The following IQCH variants were observed in gnomAD, a reference collection of about 807,000 sequenced individuals.
IQCH encodes IQ domain-containing protein H.
A neutral mutation model predicts 117.0 loss-of-function variants in IQCH; 98 were observed. The observed-to-expected ratio is 0.84, with a 90% CI of 0.71 to 0.99. IQCH has a LOEUF of 0.99. Among genes scored for constraint, IQCH ranks in the 50% least tolerant of loss-of-function variants. IQCH has a pLI of 0.00. For synonymous variants in IQCH, 412 were observed against 448.2 expected (o/e 0.92, Z 1.02); for missense variants, 1,102 against 1,243.8 (o/e 0.89, Z 1.72).
chr15:67,448,502 G>A (rs2082442600), intron 16 of IQCH, among the ~76,000 whole-genome samples: 1 of 151,236 alleles, frequency 6.6e-6, no homozygotes, highest in Admixed American at 6.6e-5. Flanking sequence ...GCGATAGTTT[G>A]ATGAGAATGA....
chr15:67,371,376 A>G (rs1348569749), intron 8 of IQCH: 1 of 791,900 alleles, frequency 1.3e-6, no homozygotes, highest in Non-Finnish European at 1.8e-6. Flanking sequence ...TAAAATGTCA[A>G]TACAGGTGGG....
At chr15:67,354,787 A>G (rs1199970877) in intron 6 of IQCH, among the ~76,000 whole-genome samples, 1 of 152,234 alleles carries the variant, frequency 6.6e-6, no homozygotes, top group Non-Finnish European at 1.5e-5. Context: ...GGCATTGATC[A>G]GCAGGTTGTC....
intron 4 of IQCH, among the ~76,000 whole-genome samples, chr15:67,322,696 A>C (rs900010058): frequency 1.3e-5 from 2 of 152,148 alleles, no homozygotes; most frequent in African/African-American, 2.4e-5. Flanking sequence ...GTCCAAGAAG[A>C]ATGAGATCAT....
At position 67,289,565 on chromosome 15, in the gene IQCH, G is replaced by C. The variant is rs1385607896; in HGVS notation, c.387+10053G>C. On this transcript the variant is annotated intron_variant, in intron 4 of 20. Transcript: ENST00000335894. Reference sequence around the variant, plus strand: ...TAGGAGAAGGAGCAGATATGTTGAGGTGATGATTGGAGTAGGCAAATAAGA... The same window carrying C: ...TAGGAGAAGGAGCAGATATGTTGAGCTGATGATTGGAGTAGGCAAATAAGA... 2.6e-5 allele frequency among the ~76,000 whole-genome samples: 4 copies of C among 152,100 alleles called. No individual in the cohort carries two copies. The East Asian group carries it at 7.7e-4, about 29-fold the overall frequency.
intron 20 of IQCH, among the ~76,000 whole-genome samples, chr15:67,499,198 C>T (rs2083909497): frequency 7.0e-6 from 1 of 143,788 alleles, no homozygotes; most frequent in Admixed American, 7.4e-5. Flanking sequence ...GCTCAGGAGG[C>T]TGAGTGGGGA....
intron 13 of IQCH, 151 bp from the exon 14 acceptor site, chr15:67,399,963 C>T (rs779984019): frequency 1.1e-5 from 6 of 569,462 alleles, no homozygotes; most frequent in Non-Finnish European, 1.8e-5. Context: ...CTTTAAACTT[C>T]TTTAATCTGT....
chr15:67,299,828 C>T (rs1392226135), intron 4 of IQCH, among the ~76,000 whole-genome samples: 1 of 152,054 alleles, frequency 6.6e-6, no homozygotes, highest in African/African-American at 2.4e-5. Flanking sequence ...TACCCAGTGC[C>T]TGTGTACTTT....
intron 18 of IQCH, among the ~76,000 whole-genome samples, chr15:67,489,343 G>A (rs990799812): frequency 7.0e-6 from 1 of 142,746 alleles, no homozygotes; most frequent in Non-Finnish European, 1.5e-5. Context: ...AATTTTTTTT[G>A]AGATGGAATT....
rs944121780 is a variant in IQCH at position 67,443,284 on chromosome 15, G to A, written c.2505+21707G>A. Reference sequence around the variant, plus strand: ...TGGGATTACAGGCGTGAGCCACTGCGCCCAGCCTGGAGACTGTTATTCTAA... The same window carrying A: ...TGGGATTACAGGCGTGAGCCACTGCACCCAGCCTGGAGACTGTTATTCTAA... On this transcript the variant is annotated intron_variant, in intron 16 of 20. Coordinates refer to ENST00000335894, the MANE Select transcript of IQCH (RefSeq NM_001031715.3). The surrounding 1 kb of genome is among the most constrained non-coding windows in gnomAD (Gnocchi z 5.0). Among the ~76,000 whole-genome samples, 3 of 152,208 alleles carry A rather than the reference G, an allele frequency of 2.0e-5. No homozygotes were observed. The highest frequency in any genetic ancestry group is 4.4e-5 in the Non-Finnish European group (3 of 68,036).
At position 67,445,325 on chromosome 15, in the gene IQCH, T is replaced by C. The variant is rs1283258272; in HGVS notation, c.2506-19802T>C. ...TAAACATAAGATTCATTGTGTCCCC[T>C]ATTGTTCTGAGCCCTTATAAATAAA... On this transcript the variant is annotated intron_variant, in intron 16 of 20. Transcript: ENST00000335894. The surrounding 1 kb of genome is among the most constrained non-coding windows in gnomAD (Gnocchi z 4.3). Among the ~76,000 whole-genome samples, 1 of 152,236 alleles carries C rather than the reference T, an allele frequency of 6.6e-6. No homozygotes were observed. Among genetic ancestry groups the C allele is most frequent in the Non-Finnish European group, 1.5e-5 (1 of 68,038 alleles).
Position 67,427,829 on chromosome 15 carries a change from ATT to A in IQCH, c.2505+6268_2505+6269del, listed in dbSNP as rs34065535. Reference sequence around the variant, plus strand: ...CAAGTAGTCTAAATTCCAATAATAGATTTTTTTTTTTTTTTTTGAAGCAGAAT... The same window carrying A: ...CAAGTAGTCTAAATTCCAATAATAGATTTTTTTTTTTTTTTGAAGCAGAAT... On this transcript the variant is annotated intron_variant, in intron 16 of 20. Coordinates refer to ENST00000335894, the MANE Select transcript of IQCH (RefSeq NM_001031715.3). The surrounding 1 kb of genome is among the most constrained non-coding windows in gnomAD (Gnocchi z 4.7). Among the ~76,000 whole-genome samples, 1,438 of 141,546 alleles carry A rather than the reference ATT, an allele frequency of 0.01. 19 individuals carry two copies. The highest frequency in any genetic ancestry group is 0.034 in the African/African-American group (1,333 of 38,770). 92.9% of individuals were successfully genotyped at this position (141,546 alleles called of 152,430 possible). A position where few individuals can be genotyped will look rare whatever the true frequency, so the allele number is the denominator to read the frequency against.
intron 3 of IQCH, among the ~76,000 whole-genome samples, chr15:67,264,028 A>C (rs1161115800): frequency 6.6e-6 from 1 of 152,224 alleles, no homozygotes; most frequent in Non-Finnish European, 1.5e-5. Flanking sequence ...AAAGTTTCAT[A>C]AACAGTGCAC....
chr15:67,306,985 A>G (rs1967329663), intron 4 of IQCH: 2 of 1,375,090 alleles, frequency 1.5e-6, no homozygotes, highest in Non-Finnish European at 9.4e-7. Flanking sequence ...AGTGTTTCTT[A>G]AAAGGCTTGA....
intron 3 of IQCH, among the ~76,000 whole-genome samples, chr15:67,273,155 C>G (rs1159545824): frequency 6.6e-6 from 1 of 152,180 alleles, no homozygotes; most frequent in Non-Finnish European, 1.5e-5. Context: ...ACTGCAACCT[C>G]TGCCTCCCAG....
intron 4 of IQCH, among the ~76,000 whole-genome samples, chr15:67,279,920 G>A (rs893805805): frequency 6.6e-5 from 10 of 152,078 alleles, no homozygotes; most frequent in Non-Finnish European, 1.2e-4. Context: ...GGAGGCTGAG[G>A]CAGGAGAATG....
At chr15:67,323,490 C>T (rs1968245144) in intron 4 of IQCH, among the ~76,000 whole-genome samples, 1 of 152,134 alleles carries the variant, frequency 6.6e-6, no homozygotes, top group Non-Finnish European at 1.5e-5. Context: ...GATCTGCCTG[C>T]CTCAGCCTCC....
chr15:67,277,642 T>C (rs777556307), intron 3 of IQCH, among the ~76,000 whole-genome samples: 1 of 151,068 alleles, frequency 6.6e-6, no homozygotes, highest in Admixed American at 6.6e-5. Context: ...CATGCCACTC[T>C]CCTGCTTCAG....
chr15:67,399,088 C>G (rs1364943638), intron 13 of IQCH, among the ~76,000 whole-genome samples: 1 of 152,146 alleles, frequency 6.6e-6, no homozygotes, highest in Non-Finnish European at 1.5e-5. Context: ...ACTTCTTTCT[C>G]TACTTCACCC....
chr15:67,423,803 G>A (rs187826510), intron 16 of IQCH, among the ~76,000 whole-genome samples: 4 of 147,262 alleles, frequency 2.7e-5, no homozygotes, highest in African/African-American at 5.0e-5. Flanking sequence ...GCAGTGAACC[G>A]AGATGATGCC....
Sources: gnomAD v4.1 joint callset for allele counts (sites outside exome capture counted in the v4.1 genomes callset) on GRCh38, gnomAD v4.1.1 for gene constraint, Gnocchi (gnomAD v3.1) non-coding constraint, MANE v1.5 for transcripts, NCBI Gene and HGNC (gene_info 2026-07-23, HGNC 2026-07-21) for gene names.